SUMF1: variants seen among roughly 807,000 people sequenced by gnomAD.
The protein encoded by SUMF1 is formylglycine-generating enzyme.
Under a neutral mutation model 47.6 loss-of-function variants are expected in SUMF1, and 48 were observed. That is an observed-to-expected ratio of 1.01 (90% CI 0.80 to 1.28). The LOEUF (loss-of-function observed/expected upper bound fraction) is 1.28. Ranked by LOEUF, SUMF1 falls within the 50% of genes most tolerant of loss-of-function variation. The pLI, the probability that SUMF1 is intolerant of heterozygous loss-of-function variation, is 0.00. For missense variants in SUMF1, 571 were observed against 485.4 expected, an observed-to-expected ratio of 1.18 and a Z score of -1.66; for synonymous variants, 230 against 192.1, an observed-to-expected ratio of 1.20 and a Z score of -1.63.
chr3:4,223,897 C>T (rs979039845), intron 8 of SUMF1, among the ~76,000 whole-genome samples: 1 of 152,172 alleles, frequency 6.6e-6, no homozygotes, highest in African/African-American at 2.4e-5. Context: ...TCACTTTAAA[C>T]TCTCTGAGCC....
At chr3:4,121,586 C>A (rs770715704) in intron 8 of SUMF1, among the ~76,000 whole-genome samples, 7 of 152,130 alleles carry the variant, frequency 4.6e-5, no homozygotes, top group Non-Finnish European at 8.8e-5. Flanking sequence ...AAAGTAAACA[C>A]ATGCTCAAAA....
chr3:4,221,796 T>C (rs1438809824), intron 8 of SUMF1, among the ~76,000 whole-genome samples: 1 of 152,098 alleles, frequency 6.6e-6, no homozygotes, highest in Admixed American at 6.6e-5. Flanking sequence ...TAAAATGTAA[T>C]ATATAGTATA....
chr3:4,348,644 C>A (rs1699422956), intron 8 of SUMF1, among the ~76,000 whole-genome samples: 1 of 151,788 alleles, frequency 6.6e-6, no homozygotes, highest in Non-Finnish European at 1.5e-5. Flanking sequence ...GCGGGTTGAC[C>A]ACCTGAGATC....
chr3:4,086,363 C>G (rs1692671928), intron 8 of SUMF1, among the ~76,000 whole-genome samples: 1 of 152,032 alleles, frequency 6.6e-6, no homozygotes, highest in Non-Finnish European at 1.5e-5. Flanking sequence ...AGTCACTTCA[C>G]CTCTCCGGGA....
chr3:4,226,771 C>G (rs1181578891), intron 8 of SUMF1, among the ~76,000 whole-genome samples: 1 of 151,988 alleles, frequency 6.6e-6, no homozygotes, highest in African/African-American at 2.4e-5. Context: ...AACAATTATG[C>G]TCTACTGCCT....
intron 9 of SUMF1, among the ~76,000 whole-genome samples, chr3:4,043,482 T>C (rs1694946611): frequency 6.6e-6 from 1 of 152,086 alleles, no homozygotes. Flanking sequence ...AATTCCTCTC[T>C]CAGCCCTCTC....
intron 8 of SUMF1, among the ~76,000 whole-genome samples, chr3:4,182,868 T>C (rs1048515663): frequency 6.6e-5 from 10 of 152,114 alleles, no homozygotes; most frequent in Non-Finnish European, 1.5e-4. Flanking sequence ...TTATATTCTA[T>C]TTTACCTATG....
At chr3:4,456,752 ACGTGTGTGTG>A in intron 1 of SUMF1, among the ~76,000 whole-genome samples, 1 of 137,066 alleles carries the variant, frequency 7.3e-6, no homozygotes, top group African/African-American at 2.7e-5. Context: ...ACACATATAT[ACGTGTGTGTG>A]TATATATACA....
chr3:4,200,511 TGCAC>T (rs1296339354), intron 8 of SUMF1, among the ~76,000 whole-genome samples: 1 of 152,128 alleles, frequency 6.6e-6, no homozygotes, highest in East Asian at 1.9e-4. Flanking sequence ...CTATGGGACT[TGCAC>T]CAGCAGCTCT....
intron 8 of SUMF1, among the ~76,000 whole-genome samples, chr3:4,363,082 T>C (rs76645972): frequency 0.024 from 3,607 of 152,282 alleles, 61 homozygotes; most frequent in Middle Eastern, 0.044. Flanking sequence ...GAGTTTCATG[T>C]TTCCTATATG....
chr3:4,041,699 T>TA (rs1574840942), intron 9 of SUMF1, among the ~76,000 whole-genome samples: 7 of 152,054 alleles, frequency 4.6e-5, no homozygotes, highest in Admixed American at 3.9e-4. Context: ...AGGGCAAAAA[T>TA]AAAAAATAAC....
At position 4,066,754 on chromosome 3, in the gene SUMF1, T is replaced by A. The variant is rs146653346; in HGVS notation, c.1191+1815A>T. 6.9e-3 allele frequency among the ~76,000 whole-genome samples: 1,047 copies of A among 152,292 alleles called. 13 individuals are homozygous for A. The highest frequency in any genetic ancestry group is 0.024 in the African/African-American group (1,000 of 41,562). ...TGCAATATAACAAAGCCTTATCCCC[T>A]GGCAAAACTCATTGTTTCAGTGATT... is the stretch of plus-strand genomic sequence containing the variant. On this transcript the variant is annotated intron_variant and NMD_transcript_variant, in intron 9 of 12. Transcript: ENST00000448413.
chr3:4,104,631 G>A (rs1204527140), intron 8 of SUMF1, among the ~76,000 whole-genome samples: 1 of 151,612 alleles, frequency 6.6e-6, no homozygotes, highest in Non-Finnish European at 1.5e-5. Flanking sequence ...CTGTACTAAA[G>A]GTGGAGGATC....
At chr3:4,406,330 C>T (rs1701374458) in intron 7 of SUMF1, among the ~76,000 whole-genome samples, 1 of 152,048 alleles carries the variant, frequency 6.6e-6, no homozygotes, top group Non-Finnish European at 1.5e-5. Context: ...AGCTGTAATC[C>T]AAGTTACTTT....
At chr3:4,178,807 A>C (rs1695029802) in intron 8 of SUMF1, among the ~76,000 whole-genome samples, 1 of 152,196 alleles carries the variant, frequency 6.6e-6, no homozygotes, top group Non-Finnish European at 1.5e-5. Flanking sequence ...GTCTCAGCCC[A>C]AAATCTCCTT....
chr3:4,464,429 T>A (rs552604388), intron 1 of SUMF1, among the ~76,000 whole-genome samples: 5 of 152,004 alleles, frequency 3.3e-5, no homozygotes, highest in South Asian at 2.1e-4. Context: ...TGTGTGTGTG[T>A]GTGAGAGAGA....
intron 8 of SUMF1, among the ~76,000 whole-genome samples, chr3:4,315,168 C>T (rs1698585969): frequency 6.6e-6 from 1 of 152,156 alleles, no homozygotes; most frequent in Non-Finnish European, 1.5e-5. Flanking sequence ...AATCATTTCT[C>T]CATGCCAACT....
At chr3:4,188,599 C>T (rs187468356) in intron 8 of SUMF1, among the ~76,000 whole-genome samples, 43 of 152,200 alleles carry the variant, frequency 2.8e-4, no homozygotes, top group Non-Finnish European at 5.0e-4. Flanking sequence ...TGGCCTGGGA[C>T]TATATAAGGC....
chr3:4,364,066 G>A (rs564823661), intron 8 of SUMF1, among the ~76,000 whole-genome samples: 1 of 133,382 alleles, frequency 7.5e-6, no homozygotes, highest in Non-Finnish European at 1.6e-5. Context: ...GCATCCCAGG[G>A]ATGAAGCCCA....
Sources: gnomAD v4.1 joint callset for allele counts (sites outside exome capture counted in the v4.1 genomes callset) on GRCh38, gnomAD v4.1.1 for gene constraint, MANE v1.5 for transcripts, NCBI Gene and HGNC (gene_info 2026-07-23, HGNC 2026-07-21) for gene names.